The following SMIM7 variants were observed in gnomAD, a reference collection of about 807,000 sequenced individuals.
SMIM7 encodes UPF0608 protein C19orf42.
Under a neutral mutation model 13.3 loss-of-function variants are expected in SMIM7, and 12 were observed. The observed-to-expected ratio is 0.90, with a 90% CI of 0.58 to 1.46. The LOEUF (loss-of-function observed/expected upper bound fraction) is 1.46. Ranked by LOEUF, SMIM7 falls within the 40% of genes most tolerant of loss-of-function variation. The probability of loss-of-function intolerance (pLI) is 0.00; values close to 1 mark genes in which losing one functional copy is unlikely to be tolerated. For missense variants in SMIM7, 114 were observed against 94.8 expected, an observed-to-expected ratio of 1.20 and a Z score of -0.84; for synonymous variants, 36 against 35.8, an observed-to-expected ratio of 1.01 and a Z score of -0.02.
At chr19:16,630,861 G>T (rs2086316949) in exon 5 of SMIM7, 1 of 152,194 alleles carries the variant, frequency 6.6e-6, no homozygotes, top group Non-Finnish European at 1.5e-5. Context: ...AGTTCTTTTA[G>T]GTCCAGGGTA....
intron 4 of SMIM7, chr19:16,653,752 G>C (rs899833560): frequency 7.3e-6 from 3 of 408,754 alleles, no homozygotes; most frequent in Non-Finnish European, 1.3e-5. Context: ...AAAATCAGCC[G>C]TGTGTGGTGG....
chr19:16,640,424 G>A (rs1217211655), intron 4 of SMIM7: 2 of 152,182 alleles, frequency 1.3e-5, no homozygotes, highest in Non-Finnish European at 2.9e-5. Flanking sequence ...AAAACATCAG[G>A]AGGCCTGTCA....
At chr19:16,642,620 C>T (rs750821571), downstream of SMIM7, among the ~76,000 whole-genome samples, 2 of 151,910 alleles carry the variant, frequency 1.3e-5, no homozygotes, top group Non-Finnish European at 2.9e-5. Flanking sequence ...GTGGGAGGTT[C>T]GTTGAGCCCA....
chr19:16,645,660 CTTTTTTTTTT>C (rs765167098), downstream of SMIM7: 29 of 97,300 alleles, frequency 3.0e-4, no homozygotes, highest in African/African-American at 1.5e-3. Context: ...TTACTCAATT[CTTTTTTTTTT>C]TTTTTTTTTG....
rs2086448192 is a variant in SMIM7, at chr19:16,646,259, C to G, written c.*987G>C. On this transcript the variant is annotated 3_prime_UTR_variant, in exon 5 of 5. Transcript: ENST00000487416. ...TCCAAGTCAGGATTTCAAAAACCAC[C>G]AACATTCAGGCTCATTCTTATTGGT... 1 of 151,946 alleles carries G rather than the reference C, an allele frequency of 6.6e-6. No homozygotes were observed. The highest frequency in any genetic ancestry group is 1.5e-5 in the Non-Finnish European group (1 of 68,008). The allele number at this position is 151,946 out of a possible 1,614,324, so 9.4% of individuals were successfully genotyped here.
In SMIM7 at chr19:16,659,432, C is replaced by G; in HGVS notation, c.84G>C (p.Thr28=). ...CCCTGGACTCCTCCCCAAAGCCCTG[C>G]GTGTCCTTCTTTTTCCTACAAAGAG... is the stretch of plus-strand genomic sequence containing the variant. ...VLNFKLKKKD[T]QGFGEESREP... The change falls in exon 3 of 5, where the codon ACG becomes ACC. Residue 28 remains threonine (T), a synonymous_variant. Transcript: ENST00000487416. 1 of 1,613,676 alleles carries G rather than the reference C, an allele frequency of 6.2e-7. No individual in the cohort carries two copies. Among genetic ancestry groups the G allele is most frequent in the South Asian group, 1.1e-5 (1 of 90,880 alleles).
chr19:16,647,382 G>T, intron 4 of SMIM7, 121 bp from the exon 5 acceptor site: 1 of 1,224,362 alleles, frequency 8.2e-7, no homozygotes, highest in South Asian at 1.3e-5. Flanking sequence ...ATGATTGTCT[G>T]ATTTTTTAAA....
intron 4 of SMIM7, among the ~76,000 whole-genome samples, chr19:16,638,306 T>C (rs549512917): frequency 1.7e-4 from 23 of 133,484 alleles, no homozygotes; most frequent in South Asian, 5.2e-4. Flanking sequence ...TTTTTCTTTT[T>C]TTTTTTTTTT....
At position 16,659,908 on chromosome 19, in the gene SMIM7, G is replaced by A. The variant is rs368241585; in HGVS notation, c.68+51C>T. The stretch of plus-strand genomic sequence containing the variant: ...GCGCCGAGATCACGCTTATGAGGGC[G>A]GGGCTACGGGTTCCCCGGATGGAGC... On this transcript the variant is annotated intron_variant, in intron 2 of 4. Transcript: ENST00000487416. 2.1e-5 allele frequency: 33 copies of A among 1,573,046 alleles called. No individual in the cohort carries two copies. The African/African-American group carries it at 3.9e-4, about 19-fold the overall frequency.
chr19:16,655,435 C>T (rs1266886499), intron 3 of SMIM7: 1 of 454,816 alleles, frequency 2.2e-6, no homozygotes, highest in Non-Finnish European at 4.4e-6. Context: ...AATCCCAGCA[C>T]TTCAGGAGGC....
At chr19:16,652,803 G>A in intron 4 of SMIM7, 1 of 1,534,876 alleles carries the variant, frequency 6.5e-7, no homozygotes, top group Non-Finnish European at 8.8e-7. Flanking sequence ...TCTGGGGGAA[G>A]CATACAGGGA....
exon 5 of SMIM7, chr19:16,631,004 A>T (rs2086318024): frequency 6.6e-6 from 1 of 152,080 alleles, no homozygotes; most frequent in Admixed American, 6.6e-5. Context: ...GGTCCCTTAT[A>T]GTATTTAGGT....
intron 4 of SMIM7, among the ~76,000 whole-genome samples, chr19:16,638,429 GA>G (rs982336954): frequency 2.0e-5 from 3 of 148,988 alleles, no homozygotes; most frequent in African/African-American, 7.4e-5. Context: ...TCAGACTCCT[GA>G]GTAGCTGGAT....
intron 4 of SMIM7, among the ~76,000 whole-genome samples, chr19:16,636,008 T>C (rs1283607826): frequency 1.3e-5 from 2 of 151,106 alleles, no homozygotes; most frequent in African/African-American, 4.9e-5. Context: ...CCAGAACCTG[T>C]AAATATGTCA....
rs375872803 is a variant in SMIM7, at chr19:16,658,200, A to T, written c.121+1195T>A. ...CATCCTGTGACTCCCTGCCTCTGTC[A>T]CCTAACGTCACCTCTGTCACTATCT... On this transcript the variant is annotated intron_variant, in intron 3 of 4. Transcript: ENST00000487416. 3.0e-4 allele frequency among the ~76,000 whole-genome samples: 45 copies of T among 152,128 alleles called. 3 individuals carry two copies. In the East Asian group the frequency reaches 3.7e-3, roughly 12 times the overall value.
chr19:16,659,670 C>A (rs1438535199), intron 2 of SMIM7: 9 of 654,240 alleles, frequency 1.4e-5, no homozygotes, highest in Non-Finnish European at 2.1e-5. Context: ...CCCGACAGTG[C>A]GGGTGCAGGG....
chr19:16,633,914 T>A (rs1393010844), intron 4 of SMIM7: 1 of 152,130 alleles, frequency 6.6e-6, no homozygotes. Context: ...ATAGATAGAA[T>A]GACAGATGAT....
intron 4 of SMIM7, among the ~76,000 whole-genome samples, chr19:16,631,939 G>C (rs1037922538): frequency 6.7e-6 from 1 of 148,924 alleles, no homozygotes. Context: ...GCGTGATCTT[G>C]GCTCACTGCA....
Position 16,659,888 on chromosome 19 carries a change from G to C in SMIM7, c.68+71C>G, listed in dbSNP as rs988235758. ...GGGGGCGGGGCCTGAGAAGTGCGCC[G>C]AGATCACGCTTATGAGGGCGGGGCT... On this transcript the variant is annotated intron_variant, in intron 2 of 4. Coordinates refer to ENST00000487416, the MANE Select transcript of SMIM7 (RefSeq NM_024104.4). The C allele has an allele frequency of 3.4e-5, 52 of 1,540,710 alleles. No individual in the cohort carries two copies. In the African/African-American group the frequency reaches 5.5e-4, roughly 16 times the overall value.
Sources: gnomAD v4.1 joint callset for allele counts (sites outside exome capture counted in the v4.1 genomes callset) on GRCh38, gnomAD v4.1.1 for gene constraint, MANE v1.5 for transcripts, NCBI Gene and HGNC (gene_info 2026-07-23, HGNC 2026-07-21) for gene names.